The following PCDH15 variants were observed in gnomAD, a reference collection of about 807,000 sequenced individuals.
PCDH15 encodes protocadherin-15.
In PCDH15, 129 loss-of-function variants were observed where a neutral mutation model predicts 178.5. That is an observed-to-expected ratio of 0.72 (90% CI 0.63 to 0.84). PCDH15 has a LOEUF of 0.84. Among genes scored for constraint, PCDH15 ranks in the 40% least tolerant of loss-of-function variants. The probability of loss-of-function intolerance (pLI) is 0.00; values close to 1 mark genes in which losing one functional copy is unlikely to be tolerated. For missense variants in PCDH15, 2,230 were observed against 2,099.9 expected, an observed-to-expected ratio of 1.06 and a Z score of -1.21; for synonymous variants, 800 against 732.0, an observed-to-expected ratio of 1.09 and a Z score of -1.50.
chr10:54,706,709 C>T (rs557509645), intron 1 of PCDH15, among the ~76,000 whole-genome samples: 7 of 152,178 alleles, frequency 4.6e-5, no homozygotes, highest in Non-Finnish European at 1.0e-4. Flanking sequence ...TTGCAACGTC[C>T]GCCTCCCAGG....
At chr10:55,444,906 C>T (rs916635356) in intron 2 of PCDH15, among the ~76,000 whole-genome samples, 1 of 152,044 alleles carries the variant, frequency 6.6e-6, no homozygotes, top group Non-Finnish European at 1.5e-5. Flanking sequence ...ACATATTCAT[C>T]TCGTGACAGA....
At chr10:55,256,123 T>C (rs955182894) in intron 1 of PCDH15, among the ~76,000 whole-genome samples, 1 of 152,188 alleles carries the variant, frequency 6.6e-6, no homozygotes, top group African/African-American at 2.4e-5. Flanking sequence ...AATTAATTTT[T>C]GTATAAGGTG....
intron 2 of PCDH15, among the ~76,000 whole-genome samples, chr10:54,944,700 G>C (rs1838150217): frequency 6.6e-6 from 1 of 151,826 alleles, no homozygotes. Flanking sequence ...GAGCTATTGG[G>C]TGGTTTTATA....
At chr10:53,980,878 G>A (rs1178233208) in intron 21 of PCDH15, among the ~76,000 whole-genome samples, 1 of 152,128 alleles carries the variant, frequency 6.6e-6, no homozygotes. Context: ...TTTGGTTCAT[G>A]ATTTAGGTAT....
chr10:55,157,659 C>A (rs1838927174), intron 2 of PCDH15, among the ~76,000 whole-genome samples: 1 of 151,808 alleles, frequency 6.6e-6, no homozygotes, highest in African/African-American at 2.4e-5. Context: ...TTTGTAGGGA[C>A]ATGGATGAAG....
At chr10:54,711,767 T>G (rs1376624578) in intron 1 of PCDH15, among the ~76,000 whole-genome samples, 4 of 30,850 alleles carry the variant, frequency 1.3e-4, no homozygotes, top group Non-Finnish European at 4.5e-4. Flanking sequence ...AAGTTATTAT[T>G]TTTTTAAACC....
At chr10:54,097,797 A>T (rs2094727053) in intron 15 of PCDH15, among the ~76,000 whole-genome samples, 1 of 152,186 alleles carries the variant, frequency 6.6e-6, no homozygotes, top group South Asian at 2.1e-4. Flanking sequence ...TATTAAGTGG[A>T]CACAGGTCTC....
intron 32 of PCDH15, among the ~76,000 whole-genome samples, chr10:53,827,131 T>G (rs2076732774): frequency 6.6e-6 from 1 of 152,090 alleles, no homozygotes; most frequent in African/African-American, 2.4e-5. Context: ...AATATTATAC[T>G]CAAGCTATAA....
chr10:55,365,950 C>G (rs1845348475), intron 2 of PCDH15: 2 of 152,038 alleles, frequency 1.3e-5, no homozygotes, highest in South Asian at 4.1e-4. Context: ...AAAGAGAAGG[C>G]TTCATCTGGA....
chr10:54,652,275 G>T (rs1223538606), intron 2 of PCDH15, among the ~76,000 whole-genome samples: 1 of 151,806 alleles, frequency 6.6e-6, no homozygotes, highest in African/African-American at 2.4e-5. Context: ...TCCATTCTTA[G>T]CTCCAATCCT....
intron 3 of PCDH15, among the ~76,000 whole-genome samples, chr10:54,500,787 C>A (rs2137408491): frequency 6.6e-6 from 1 of 152,218 alleles, no homozygotes; most frequent in African/African-American, 2.4e-5. Context: ...CATGCCACTG[C>A]ACTCCAGCCT....
chr10:55,057,087 A>C (rs1841325420), intron 2 of PCDH15, among the ~76,000 whole-genome samples: 1 of 152,200 alleles, frequency 6.6e-6, no homozygotes, highest in East Asian at 1.9e-4. Context: ...AAATGAAGTA[A>C]AGATAAATAG....
At chr10:53,829,666 T>A (rs1315414706) in intron 30 of PCDH15, among the ~76,000 whole-genome samples, 1 of 152,200 alleles carries the variant, frequency 6.6e-6, no homozygotes, top group Non-Finnish European at 1.5e-5. Context: ...AATGCTGTAT[T>A]TGCAACTTCA....
At chr10:54,187,485 C>G (rs1411424373) in intron 11 of PCDH15, among the ~76,000 whole-genome samples, 1 of 151,844 alleles carries the variant, frequency 6.6e-6, no homozygotes, top group African/African-American at 2.4e-5. Context: ...TTTTGTTTGT[C>G]AAATGCTTTT....
chr10:54,972,965 T>C (rs974889417), intron 2 of PCDH15, among the ~76,000 whole-genome samples: 2 of 151,462 alleles, frequency 1.3e-5, no homozygotes, highest in Non-Finnish European at 2.9e-5. Flanking sequence ...ATAACAGTGA[T>C]AAGTTAAACT....
At chr10:54,993,761 A>G (rs1839569948) in intron 2 of PCDH15, among the ~76,000 whole-genome samples, 1 of 152,140 alleles carries the variant, frequency 6.6e-6, no homozygotes, top group Non-Finnish European at 1.5e-5. Context: ...AAAAGAGAGG[A>G]ATTAGTAATA....
At chr10:54,943,100 T>C (rs555353304) in intron 2 of PCDH15, among the ~76,000 whole-genome samples, 1 of 152,158 alleles carries the variant, frequency 6.6e-6, no homozygotes, top group East Asian at 1.9e-4. Flanking sequence ...AAACATCATT[T>C]ATTTATTCTT....
chr10:54,028,536 C>T (rs188873441), intron 18 of PCDH15, among the ~76,000 whole-genome samples: 25,127 of 150,058 alleles, frequency 0.17, 2,311 homozygotes, highest in Non-Finnish European at 0.23. Flanking sequence ...TTGGAACCAA[C>T]CCAAATGTCC....
intron 2 of PCDH15, among the ~76,000 whole-genome samples, chr10:54,580,332 A>G (rs2090921172): frequency 1.3e-5 from 2 of 152,128 alleles, no homozygotes; most frequent in South Asian, 4.1e-4. Flanking sequence ...GAATATTATG[A>G]ACACTGGATG....
Sources: gnomAD v4.1 joint callset for allele counts (sites outside exome capture counted in the v4.1 genomes callset) on GRCh38, gnomAD v4.1.1 for gene constraint, MANE v1.5 for transcripts, NCBI Gene and HGNC (gene_info 2026-07-23, HGNC 2026-07-21) for gene names.